Variants in CFAP299 observed in about 807,000 individuals in gnomAD.
CFAP299 encodes the protein cilia and flagella associated protein 299.
A neutral mutation model predicts 27.0 loss-of-function variants in CFAP299; 21 were observed. That is an observed-to-expected ratio of 0.78 (90% CI 0.55 to 1.12). The LOEUF (loss-of-function observed/expected upper bound fraction) is 1.12. CFAP299 is among the 50% of genes most tolerant of loss of function. CFAP299 has a pLI of 0.00. For synonymous variants in CFAP299, 104 were observed against 98.1 expected, an observed-to-expected ratio of 1.06 and a Z score of -0.36; for missense variants, 310 against 276.6, an observed-to-expected ratio of 1.12 and a Z score of -0.86.
chr4:80,844,346 T>C (rs925950411), intron 3 of CFAP299, among the ~76,000 whole-genome samples: 6 of 152,182 alleles, frequency 3.9e-5, no homozygotes, highest in African/African-American at 2.4e-5. Context: ...TCCACAGTGG[T>C]TGAACTAGTT....
intron 3 of CFAP299, among the ~76,000 whole-genome samples, chr4:80,584,127 G>A (rs1026318216): frequency 8.2e-4 from 125 of 152,076 alleles, no homozygotes; most frequent in African/African-American, 2.9e-3. Context: ...GGCTGACAGA[G>A]GTTTTAAAAG....
intron 3 of CFAP299, among the ~76,000 whole-genome samples, chr4:80,689,841 G>A (rs928443025): frequency 6.6e-6 from 1 of 152,150 alleles, no homozygotes; most frequent in African/African-American, 2.4e-5. Context: ...TAAAAGGATG[G>A]AGGAAGGTCG....
intron 3 of CFAP299, among the ~76,000 whole-genome samples, chr4:80,648,410 G>A (rs547765151): frequency 9.0e-4 from 137 of 152,224 alleles, no homozygotes; most frequent in Non-Finnish European, 1.8e-3. Flanking sequence ...TATGCTTTGT[G>A]TGCTTTGTAT....
intron 1 of CFAP299, among the ~76,000 whole-genome samples, chr4:80,361,923 TA>T (rs1449717938): frequency 6.6e-6 from 1 of 152,092 alleles, no homozygotes; most frequent in African/African-American, 2.4e-5. Context: ...TATTTTTAAT[TA>T]AAATGATAAT....
At chr4:80,655,657 A>C (rs1001376478) in intron 3 of CFAP299, among the ~76,000 whole-genome samples, 1 of 152,162 alleles carries the variant, frequency 6.6e-6, no homozygotes, top group African/African-American at 2.4e-5. Flanking sequence ...TATTTGAAAC[A>C]GTGAGTAGAC....
chr4:80,536,527 A>C (rs906286369), intron 2 of CFAP299, among the ~76,000 whole-genome samples: 20 of 152,316 alleles, frequency 1.3e-4, no homozygotes, highest in African/African-American at 3.8e-4. Context: ...TATAAAAATC[A>C]ATGGAAGAAA....
chr4:80,815,403 T>C (rs1219966373), intron 3 of CFAP299, among the ~76,000 whole-genome samples: 1 of 151,962 alleles, frequency 6.6e-6, no homozygotes, highest in African/African-American at 2.4e-5. Context: ...ACTAAGTCCC[T>C]TTCTATTATA....
At chr4:80,627,949 A>G (rs1738996240) in intron 3 of CFAP299, among the ~76,000 whole-genome samples, 1 of 152,120 alleles carries the variant, frequency 6.6e-6, no homozygotes, top group Non-Finnish European at 1.5e-5. Context: ...CTATCAAAAT[A>G]CCAATAACAT....
intron 3 of CFAP299, among the ~76,000 whole-genome samples, chr4:80,780,802 A>G (rs1476313110): frequency 6.6e-6 from 1 of 151,994 alleles, no homozygotes; most frequent in Non-Finnish European, 1.5e-5. Context: ...CTGGGTAGAC[A>G]GAGTCTATAT....
chr4:80,712,639 A>G (rs1340017754), intron 3 of CFAP299, among the ~76,000 whole-genome samples: 1 of 152,156 alleles, frequency 6.6e-6, no homozygotes, highest in African/African-American at 2.4e-5. Flanking sequence ...TTTCAAATCA[A>G]CAACTCAATA....
chr4:80,576,965 A>G (rs1578623531), intron 2 of CFAP299, among the ~76,000 whole-genome samples: 1 of 152,184 alleles, frequency 6.6e-6, no homozygotes, highest in South Asian at 2.1e-4. Flanking sequence ...AGACTGCAAG[A>G]CCAGCCGACT....
chr4:80,408,478 A>G (rs1471504567), intron 2 of CFAP299, among the ~76,000 whole-genome samples: 4 of 151,980 alleles, frequency 2.6e-5, no homozygotes, highest in South Asian at 4.1e-4. Context: ...TTAAAAATCT[A>G]TTATTTGTGC....
intron 2 of CFAP299, among the ~76,000 whole-genome samples, chr4:80,563,512 C>T (rs895979148): frequency 3.3e-5 from 5 of 151,972 alleles, no homozygotes; most frequent in African/African-American, 1.2e-4. Context: ...ATTATGGAAA[C>T]ACAACATATC....
Position 80,857,032 on chromosome 4 carries a change from A to G in CFAP299, c.334-12961A>G, listed in dbSNP as rs557367060. 5.3e-5 allele frequency among the ~76,000 whole-genome samples: 8 copies of G among 152,222 alleles called. No individual in the cohort carries two copies. In the East Asian group the frequency reaches 5.8e-4, roughly 11 times the overall value. On this transcript the variant is annotated intron_variant, in intron 3 of 5. Coordinates refer to ENST00000358105, the MANE Select transcript of CFAP299 (RefSeq NM_152770.3). The stretch of plus-strand genomic sequence containing the variant: ...TTCACGATATTGATTCTTCCTACCC[A>G]TGAGCATGGAATGTTCTTCCATTTG...
chr4:80,863,814 A>G (rs1376270425), intron 3 of CFAP299, among the ~76,000 whole-genome samples: 1 of 152,170 alleles, frequency 6.6e-6, no homozygotes, highest in African/African-American at 2.4e-5. Flanking sequence ...TTTTTCCTTT[A>G]TAAACATAGC....
intron 5 of CFAP299, among the ~76,000 whole-genome samples, chr4:80,957,807 G>C (rs1360694979): frequency 2.0e-5 from 3 of 152,106 alleles, no homozygotes; most frequent in African/African-American, 4.8e-5. Context: ...CTGGCAGTCT[G>C]TCTCCTTTCC....
intron 2 of CFAP299, among the ~76,000 whole-genome samples, chr4:80,367,599 G>A (rs1723907783): frequency 6.6e-6 from 1 of 152,064 alleles, no homozygotes; most frequent in Non-Finnish European, 1.5e-5. Flanking sequence ...AGGGTCGGGG[G>A]GATAGAGTCG....
chr4:80,584,654 G>A (rs1736341302), intron 3 of CFAP299, among the ~76,000 whole-genome samples: 1 of 151,902 alleles, frequency 6.6e-6, no homozygotes, highest in Non-Finnish European at 1.5e-5. Flanking sequence ...TATACCTCCA[G>A]TTGACCTGTA....
At chr4:80,918,865 G>A (rs1735897368) in intron 4 of CFAP299, among the ~76,000 whole-genome samples, 1 of 152,088 alleles carries the variant, frequency 6.6e-6, no homozygotes, top group Non-Finnish European at 1.5e-5. Flanking sequence ...CGGGTTCAGG[G>A]AAGTGGGTGT....
Sources: allele counts gnomAD v4.1 joint callset (sites outside exome capture counted in the v4.1 genomes callset), GRCh38; gene constraint gnomAD v4.1.1; transcripts MANE v1.5; gene names NCBI Gene and HGNC (gene_info 2026-07-23, HGNC 2026-07-21).